Variants in DDX19B observed in about 807,000 individuals in gnomAD.
DDX19B encodes the protein ATP-dependent RNA helicase DDX19B.
In DDX19B, 27 loss-of-function variants were observed where a neutral mutation model predicts 58.1. The ratio of observed to expected loss-of-function variants is 0.46; its 90% confidence interval spans 0.34 to 0.64. The LOEUF is 0.64. Among genes scored for constraint, DDX19B ranks in the 30% least tolerant of loss-of-function variants. The pLI is 0.01. For synonymous variants in DDX19B, 187 were observed against 214.4 expected, an observed-to-expected ratio of 0.87 and a Z score of 1.12; for missense variants, 399 against 596.5, an observed-to-expected ratio of 0.67 and a Z score of 3.45.
At position 70,334,526 on chromosome 16, in the gene DDX19B, G is replaced by A. The variant is rs1963633177; in HGVS notation, c.*944G>A. The A allele has an allele frequency of 6.6e-6, 1 of 152,176 alleles. No individual in the cohort carries two copies. The allele number at this position is 152,176 out of a possible 1,614,324, so 9.4% of individuals were successfully genotyped here. A position where few individuals can be genotyped will look rare whatever the true frequency, so the allele number is the denominator to read the frequency against. On this transcript the variant is annotated 3_prime_UTR_variant, in exon 12 of 12. Coordinates refer to ENST00000288071, the MANE Select transcript of DDX19B (RefSeq NM_007242.7). ...AAGGCAGTTCTAGATGTGATCAGCA[G>A]TAGTCACAAATTCTTGTTTTGTCTC...
At chr16:70,296,355 T>G (rs1181110856), upstream of DDX19B, among the ~76,000 whole-genome samples, 3 of 151,880 alleles carry the variant, frequency 2.0e-5, no homozygotes, top group Admixed American at 2.0e-4. Flanking sequence ...CAGGCTGGCT[T>G]CGAACTTCTG....
At chr16:70,318,514 C>T (rs777183330) in intron 5 of DDX19B, among the ~76,000 whole-genome samples, 2 of 150,808 alleles carry the variant, frequency 1.3e-5, no homozygotes, top group Non-Finnish European at 3.0e-5. Flanking sequence ...CATATATGAC[C>T]GGGGTGGTGG....
chr16:70,310,677 T>G (rs189738014), intron 1 of DDX19B, among the ~76,000 whole-genome samples: 1 of 152,188 alleles, frequency 6.6e-6, no homozygotes, highest in African/African-American at 2.4e-5. Flanking sequence ...CGCCAGACTT[T>G]CCATCTATCT....
At chr16:70,301,205 G>A (rs1961468827) in intron 1 of DDX19B, among the ~76,000 whole-genome samples, 1 of 152,008 alleles carries the variant, frequency 6.6e-6, no homozygotes, top group Non-Finnish European at 1.5e-5. Flanking sequence ...TTATTTTAGT[G>A]CAGCCATCTG....
chr16:70,301,137 A>T (rs1323535710), intron 1 of DDX19B, among the ~76,000 whole-genome samples: 1 of 151,894 alleles, frequency 6.6e-6, no homozygotes, highest in Non-Finnish European at 1.5e-5. Context: ...TGTCTTTTGG[A>T]TCTCTTGGAT....
chr16:70,307,049 A>C (rs2152189153), intron 1 of DDX19B, among the ~76,000 whole-genome samples: 1 of 152,338 alleles, frequency 6.6e-6, no homozygotes, highest in South Asian at 2.1e-4. Flanking sequence ...ATGTATCAGT[A>C]CTTTATTCCT....
chr16:70,301,694 CTCTTTTTTTT>C (rs1961494336), intron 1 of DDX19B, among the ~76,000 whole-genome samples: 1 of 148,548 alleles, frequency 6.7e-6, no homozygotes, highest in African/African-American at 2.5e-5. Context: ...TTCTCTCTCT[CTCTTTTTTTT>C]TTTTTTTTAA....
chr16:70,291,021 G>T (rs917804764), upstream of DDX19B, among the ~76,000 whole-genome samples: 1 of 152,134 alleles, frequency 6.6e-6, no homozygotes, highest in African/African-American at 2.4e-5. Flanking sequence ...TGCAAAAAGA[G>T]CATCCTACAC....
rs1179500092 is a variant in DDX19B, at chr16:70,313,005, A to G, written c.106+348A>G. On this transcript the variant is annotated intron_variant, in intron 2 of 11. Coordinates refer to ENST00000288071, the MANE Select transcript of DDX19B (RefSeq NM_007242.7). ...CTACAGGCACAACCCACTACGCCCA[A>G]CTAATTTTTATTTTTTATTTTTTAT... 2.1e-5 allele frequency among the ~76,000 whole-genome samples: 3 copies of G among 141,546 alleles called. No individual in the cohort carries two copies. The South Asian group carries it at 6.7e-4, about 32-fold the overall frequency. 92.9% of individuals were successfully genotyped at this position (141,546 alleles called of 152,430 possible).
chr16:70,299,441 T>G lies in DDX19B; in HGVS notation c.57+87T>G, dbSNP rs959744928. ...GGGAAAGAATGTTTCCCAGGTTGAT[T>G]AGAGGCTGGATGGGGTGGCGGGGAG... On this transcript the variant is annotated intron_variant, in intron 1 of 11. Coordinates refer to ENST00000288071, the MANE Select transcript of DDX19B (RefSeq NM_007242.7). The G allele has an allele frequency of 6.2e-6, 9 of 1,442,340 alleles. No homozygotes were observed. The Admixed American group carries it at 1.2e-4, about 20-fold the overall frequency. The allele number at this position is 1,442,340 out of a possible 1,614,324, so 89.3% of individuals were successfully genotyped here.
At chr16:70,298,692 T>C (rs560987791), upstream of DDX19B, among the ~76,000 whole-genome samples, 33 of 152,084 alleles carry the variant, frequency 2.2e-4, 1 homozygote, top group Admixed American at 2.2e-3. Flanking sequence ...TCTACAACGC[T>C]TACATAGGAG....
At chr16:70,316,811 C>G (rs533382226) in intron 4 of DDX19B, among the ~76,000 whole-genome samples, 20 of 152,140 alleles carry the variant, frequency 1.3e-4, no homozygotes, top group Non-Finnish European at 2.2e-4. Flanking sequence ...TGGCTCATGC[C>G]TGTAATCCCA....
intron 3 of DDX19B, chr16:70,315,679 T>C (rs1353602955): frequency 3.7e-6 from 1 of 267,248 alleles, no homozygotes; most frequent in African/African-American, 2.2e-5. Context: ...TTATATATAG[T>C]ACAAATTGGG....
At chr16:70,294,303 G>C (rs1037783410), upstream of DDX19B, among the ~76,000 whole-genome samples, 7 of 151,638 alleles carry the variant, frequency 4.6e-5, no homozygotes, top group Admixed American at 4.6e-4. Context: ...GAATGGCCTC[G>C]ATCTCCTGAC....
intron 6 of DDX19B, 42 bp from the exon 7 acceptor site, chr16:70,325,532 G>T: frequency 7.3e-7 from 1 of 1,379,112 alleles, no homozygotes; most frequent in Non-Finnish European, 1.0e-6. Flanking sequence ...TTGCAAAAGA[G>T]CTATTGTCTT....
intron 3 of DDX19B, 56 bp downstream of exon 3, chr16:70,315,011 G>A (rs1004895659): frequency 1.3e-6 from 2 of 1,572,606 alleles, no homozygotes; most frequent in African/African-American, 2.7e-5. Context: ...TAAGAAAGTG[G>A]ATTGTTATGA....
At chr16:70,331,581 T>C (rs1255424043) in intron 9 of DDX19B, 141 bp from the exon 10 acceptor site, 15 of 1,143,598 alleles carry the variant, frequency 1.3e-5, no homozygotes, top group African/African-American at 1.1e-4. Context: ...CCATGCTTCA[T>C]TGAGAAATTT....
intron 8 of DDX19B, 150 bp from the exon 9 acceptor site, chr16:70,329,681 G>A: frequency 8.0e-7 from 1 of 1,252,284 alleles, no homozygotes; most frequent in Non-Finnish European, 1.1e-6. Context: ...CCCAACCCCT[G>A]TCCCCATCCC....
chr16:70,318,548 T>C (rs895063522), intron 5 of DDX19B, among the ~76,000 whole-genome samples: 5 of 151,980 alleles, frequency 3.3e-5, no homozygotes, highest in African/African-American at 1.2e-4. Context: ...TCCCAGCACT[T>C]TGGGAGGCCG....
Sources: allele counts gnomAD v4.1 joint callset (sites outside exome capture counted in the v4.1 genomes callset), GRCh38; gene constraint gnomAD v4.1.1; transcripts MANE v1.5; gene names NCBI Gene and HGNC (gene_info 2026-07-23, HGNC 2026-07-21).